COG6: variants seen among roughly 807,000 people sequenced by gnomAD.
COG6 encodes the protein conserved oligomeric Golgi complex subunit 6.
In COG6, 74 loss-of-function variants were observed where a neutral mutation model predicts 88.8. The ratio of observed to expected loss-of-function variants is 0.83; its 90% CI spans 0.69 to 1.01. The LOEUF (loss-of-function observed/expected upper bound fraction) is 1.01, where lower values mean the gene tolerates loss of function less well. Among genes scored for constraint, COG6 ranks in the 50% least tolerant of loss-of-function variants. The pLI, the probability that COG6 is intolerant of heterozygous loss-of-function variation, is 0.00. For missense variants in COG6, 800 were observed against 797.9 expected, an observed-to-expected ratio of 1.00 and a Z score of -0.03; for synonymous variants, 286 against 278.7, an observed-to-expected ratio of 1.03 and a Z score of -0.26.
chr13:39,711,815 A>G (rs1365107485), intron 13 of COG6, among the ~76,000 whole-genome samples: 2 of 152,224 alleles, frequency 1.3e-5, no homozygotes, highest in African/African-American at 4.8e-5. Context: ...TCTTTTAAAA[A>G]TATGAGTGTA....
intron 8 of COG6, among the ~76,000 whole-genome samples, chr13:39,684,409 C>G (rs1409207539): frequency 6.6e-6 from 1 of 150,886 alleles, no homozygotes; most frequent in Non-Finnish European, 1.5e-5. Flanking sequence ...GCCACCTCGC[C>G]CGGCTAATTT....
chr13:39,724,437 G>A, intron 16 of COG6, 71 bp from the exon 17 acceptor site: 2 of 1,168,914 alleles, frequency 1.7e-6, no homozygotes, highest in Non-Finnish European at 1.3e-6. Context: ...ACTATATTCA[G>A]TAAGTGAAAT....
At chr13:39,703,602 T>C (rs1011862837) in intron 13 of COG6, among the ~76,000 whole-genome samples, 1 of 152,140 alleles carries the variant, frequency 6.6e-6, no homozygotes, top group Non-Finnish European at 1.5e-5. Context: ...TTTTTTTCCC[T>C]TGGGAGCATT....
intron 13 of COG6, among the ~76,000 whole-genome samples, chr13:39,701,435 A>G (rs1166999932): frequency 6.6e-6 from 1 of 151,926 alleles, no homozygotes; most frequent in African/African-American, 2.4e-5. Flanking sequence ...GGATGAAGTC[A>G]CTAGGAATAA....
At chr13:39,762,780 T>C (rs1356494628) in intron 18 of COG6, among the ~76,000 whole-genome samples, 1 of 151,360 alleles carries the variant, frequency 6.6e-6, no homozygotes, top group African/African-American at 2.4e-5. Context: ...TTTTTTTTCT[T>C]TGAAGCCTAT....
rs1593489978 is a variant in COG6 at position 39,784,871 on chromosome 13, G to GA, written c.1827-3457dup. Among the ~76,000 whole-genome samples, 8 of 152,186 alleles carry GA rather than the reference G, an allele frequency of 5.3e-5. No individual in the cohort carries two copies. In the South Asian group the frequency reaches 1.5e-3, roughly 28 times the overall value. ...CATCCTGGGGACAGTCTGGTAGCCT[G>GA]AAAAAAATGTGTCTGAGGGCTAACA... On this transcript the variant is annotated intron_variant, in intron 18 of 18. Transcript: ENST00000416691.
intron 18 of COG6, among the ~76,000 whole-genome samples, chr13:39,744,100 G>A (rs557915561): frequency 1.4e-3 from 218 of 152,088 alleles, no homozygotes; most frequent in African/African-American, 4.7e-3. Context: ...GATGGAATGT[G>A]TCTTAAAATA....
intron 18 of COG6, among the ~76,000 whole-genome samples, chr13:39,787,762 A>G (rs1881819181): frequency 6.6e-6 from 1 of 152,212 alleles, no homozygotes; most frequent in Admixed American, 6.5e-5. Context: ...CATTTTTTAA[A>G]ATACAGCATA....
At chr13:39,694,528 C>CTT in intron 11 of COG6, 106 bp from the exon 12 acceptor site, 1 of 668,300 alleles carries the variant, frequency 1.5e-6, no homozygotes, top group Non-Finnish European at 2.7e-6. Context: ...GTGATCTCTG[C>CTT]AGTAATAAAA....
downstream of COG6, among the ~76,000 whole-genome samples, chr13:39,755,970 G>T (rs1243786616): frequency 1.3e-5 from 2 of 152,142 alleles, no homozygotes; most frequent in East Asian, 3.8e-4. Context: ...CAACAAACGG[G>T]GTGGGGCAAG....
intron 11 of COG6, among the ~76,000 whole-genome samples, chr13:39,692,693 G>C (rs1877049627): frequency 6.6e-6 from 1 of 151,970 alleles, no homozygotes; most frequent in Non-Finnish European, 1.5e-5. Flanking sequence ...CCTTGGAGAG[G>C]AGAGCCACTG....
At chr13:39,699,178 G>A (rs1421823969) in intron 12 of COG6, among the ~76,000 whole-genome samples, 1 of 151,542 alleles carries the variant, frequency 6.6e-6, no homozygotes, top group Non-Finnish European at 1.5e-5. Flanking sequence ...AGATAATTGA[G>A]ATATATATTT....
In COG6 at chr13:39,719,329, G is replaced by T. The variant is rs113027238; in HGVS notation, c.1378G>T (p.Val460Phe). 2.9e-5 allele frequency: 46 copies of T among 1,612,708 alleles called. No homozygotes were observed. The African/African-American group carries it at 5.2e-4, about 18-fold the overall frequency. ...REVLASHDSS[V>F]VPLDARQADF... The stretch of plus-strand genomic sequence containing the variant: ...AGTTTTAGCATCTCACGATTCTTCA[G>T]TTGTACCATTAGATGCTCGTCAAGC... The change falls in exon 14 of 19, where the codon GTT (valine) becomes TTT (phenylalanine). Residue 460 changes from valine to phenylalanine, a missense_variant. Transcript: ENST00000455146.
rs1220804403 is a variant in COG6 at position 39,693,065 on chromosome 13, G to T, written c.1075-1569G>T. ...TGACTGTTGGGTTTTGCTGAAAATG[G>T]TTACCCTCTTATATAGCTCTCATAA... On this transcript the variant is annotated intron_variant, in intron 11 of 18. Coordinates refer to ENST00000455146, the MANE Select transcript of COG6 (RefSeq NM_020751.3). Among the ~76,000 whole-genome samples the T allele has an allele frequency of 2.6e-5, 4 of 151,886 alleles. No individual in the cohort carries two copies. The South Asian group carries it at 8.3e-4, about 32-fold the overall frequency.
chr13:39,780,201 A>C (rs1267000600), intron 18 of COG6, among the ~76,000 whole-genome samples: 1 of 152,226 alleles, frequency 6.6e-6, no homozygotes, highest in Non-Finnish European at 1.5e-5. Flanking sequence ...CAGCCGTCAC[A>C]CCAACAAGCT....
chr13:39,782,557 G>C (rs983552072), intron 18 of COG6, among the ~76,000 whole-genome samples: 16 of 152,176 alleles, frequency 1.1e-4, no homozygotes, highest in African/African-American at 3.9e-4. Context: ...CCAGAAATGG[G>C]TTTTGATGAG....
At chr13:39,676,883 G>C (rs1429944753) in intron 4 of COG6, among the ~76,000 whole-genome samples, 19 of 152,126 alleles carry the variant, frequency 1.2e-4, no homozygotes, top group Non-Finnish European at 2.5e-4. Context: ...AGTTTAGATA[G>C]GTTGCACTCA....
chr13:39,784,931 C>A (rs1881728549), intron 18 of COG6, among the ~76,000 whole-genome samples: 1 of 152,080 alleles, frequency 6.6e-6, no homozygotes, highest in Non-Finnish European at 1.5e-5. Flanking sequence ...GTGGGAACTC[C>A]TAAATGAGCA....
chr13:39,731,272 A>G (rs1327028049), intron 18 of COG6, among the ~76,000 whole-genome samples: 1 of 152,128 alleles, frequency 6.6e-6, no homozygotes, highest in Non-Finnish European at 1.5e-5. Context: ...AGTTTGACTG[A>G]CTTTCAAAGG....
Sources: gnomAD v4.1 joint callset for allele counts (sites outside exome capture counted in the v4.1 genomes callset) on GRCh38, gnomAD v4.1.1 for gene constraint, MANE v1.5 for transcripts, NCBI Gene and HGNC (gene_info 2026-07-23, HGNC 2026-07-21) for gene names.